The following TMEM33 variants were observed in gnomAD, a reference collection of about 807,000 sequenced individuals.
TMEM33 encodes transmembrane protein 33.
A neutral mutation model predicts 29.7 loss-of-function variants in TMEM33; 16 were observed. The observed-to-expected ratio is 0.54, with a 90% CI of 0.36 to 0.82. The LOEUF (loss-of-function observed/expected upper bound fraction) is 0.82. Ranked by LOEUF, TMEM33 falls within the 40% of genes least tolerant of loss-of-function variation. The probability of loss-of-function intolerance (pLI) is 0.00; values close to 1 mark genes in which losing one functional copy is unlikely to be tolerated. For missense variants in TMEM33, 252 were observed against 295.3 expected (o/e 0.85, Z 1.08); for synonymous variants, 112 against 109.4 (o/e 1.02, Z -0.15).
rs1373018724 is a variant in TMEM33, at chr4:41,958,917, C to T, written c.*4718C>T. 6.6e-6 allele frequency: 1 copy of T among 151,432 alleles called. No individual in the cohort carries two copies. Among genetic ancestry groups the T allele is most frequent in the Non-Finnish European group, 1.5e-5 (1 of 68,092 alleles). 9.4% of individuals were successfully genotyped at this position (151,432 alleles called of 1,614,324 possible). On this transcript the variant is annotated 3_prime_UTR_variant, in exon 7 of 7. Transcript: ENST00000504986. Reference sequence around the variant, plus strand: ...AGAGACAGGATTTCACCATGTTCACCATGTTGGTCAGGCTGGTCTTGAACT... The same window carrying T: ...AGAGACAGGATTTCACCATGTTCACTATGTTGGTCAGGCTGGTCTTGAACT...
intron 5 of TMEM33, among the ~76,000 whole-genome samples, chr4:41,945,423 A>G (rs1025378772): frequency 6.6e-6 from 1 of 152,196 alleles, no homozygotes; most frequent in African/African-American, 2.4e-5. Flanking sequence ...TTAAAACAAT[A>G]CACCTTGCTA....
At chr4:41,935,928 A>G (rs1317775528) in intron 1 of TMEM33, among the ~76,000 whole-genome samples, 1 of 152,240 alleles carries the variant, frequency 6.6e-6, no homozygotes, top group Non-Finnish European at 1.5e-5. Context: ...GTTTCTGCCT[A>G]GTTTATACAA....
rs1219955805 is a variant in TMEM33 at position 41,957,289 on chromosome 4, T to A, written c.*3090T>A. On this transcript the variant is annotated 3_prime_UTR_variant, in exon 7 of 7. Transcript: ENST00000504986. ...TAGGTTTTTTTTTTTTTTTTTGGAATGAAGTTCAGAGGTAGATCCTCCTGG... is the reference window on the plus strand; with the variant it reads ...TAGGTTTTTTTTTTTTTTTTTGGAAAGAAGTTCAGAGGTAGATCCTCCTGG... 3 of 128,906 alleles carry A rather than the reference T, an allele frequency of 2.3e-5. No individual in the cohort carries two copies. Among genetic ancestry groups the A allele is most frequent in the African/African-American group, 9.1e-5 (3 of 33,048 alleles). 8.0% of individuals were successfully genotyped at this position (128,906 alleles called of 1,614,324 possible).
At chr4:41,938,115 C>A (rs16853775) in intron 1 of TMEM33, among the ~76,000 whole-genome samples, 30,177 of 152,104 alleles carry the variant, frequency 0.2, 4,636 homozygotes, top group African/African-American at 0.43. Flanking sequence ...TCTTTAATCC[C>A]AACTGGCTTT....
Position 41,943,717 on chromosome 4 carries a change from T to C in TMEM33, c.329-30T>C, listed in dbSNP as rs185525877. ...TGTTTTGCAGAATACTTGATGACTT[T>C]TAAATGTTTTCCTTAATTGTTTTCT... On this transcript the variant is annotated intron_variant, in intron 3 of 6. Transcript: ENST00000504986. The C allele has an allele frequency of 4.8e-5, 77 of 1,603,358 alleles. No individual in the cohort carries two copies. In the African/African-American group the frequency reaches 8.3e-4, roughly 17 times the overall value.
At chr4:41,952,213 C>T (rs1713072259) in intron 6 of TMEM33, among the ~76,000 whole-genome samples, 1 of 152,052 alleles carries the variant, frequency 6.6e-6, no homozygotes, top group Admixed American at 6.6e-5. Flanking sequence ...GGTGCTCTCA[C>T]GAAGACAGGA....
rs1253853404 is a variant in TMEM33, at chr4:41,955,462, A to G, written c.*1263A>G. ...GTTTAAAACATTGTACAGTTTTAGT[A>G]TAGAGAAATGTAATGGTTTTTGTGA... is the stretch of plus-strand genomic sequence containing the variant. On this transcript the variant is annotated 3_prime_UTR_variant, in exon 7 of 7. Coordinates refer to ENST00000504986, the MANE Select transcript of TMEM33 (RefSeq NM_018126.3). The G allele has an allele frequency of 1.3e-5, 2 of 152,614 alleles. No individual in the cohort carries two copies. Among genetic ancestry groups the G allele is most frequent in the Non-Finnish European group, 2.9e-5 (2 of 68,038 alleles). The allele number at this position is 152,614 out of a possible 1,614,324, so 9.5% of individuals were successfully genotyped here.
intron 1 of TMEM33, 72 bp downstream of exon 1, chr4:41,935,601 C>G: frequency 2.0e-6 from 3 of 1,486,388 alleles, no homozygotes; most frequent in Non-Finnish European, 2.8e-6. Flanking sequence ...TTGCGAGTCC[C>G]GAGGCGTTCC....
intron 5 of TMEM33, among the ~76,000 whole-genome samples, chr4:41,945,983 A>G (rs1272257027): frequency 6.6e-6 from 1 of 150,740 alleles, no homozygotes; most frequent in Non-Finnish European, 1.5e-5. Flanking sequence ...CAAAAAAAAA[A>G]AAAAAAAAGA....
chr4:41,936,086 C>G (rs1404317049), intron 1 of TMEM33, among the ~76,000 whole-genome samples: 1 of 152,224 alleles, frequency 6.6e-6, no homozygotes, highest in African/African-American at 2.4e-5. Context: ...CGGAGCATTG[C>G]TGTCCTCTAC....
At chr4:41,952,665 A>C (rs1713092810) in intron 6 of TMEM33, among the ~76,000 whole-genome samples, 1 of 152,212 alleles carries the variant, frequency 6.6e-6, no homozygotes, top group South Asian at 2.1e-4. Context: ...GATGGGGCAG[A>C]AAATTAGATT....
intron 6 of TMEM33, among the ~76,000 whole-genome samples, chr4:41,950,762 G>A (rs548762060): frequency 6.6e-5 from 10 of 151,750 alleles, no homozygotes; most frequent in Non-Finnish European, 1.5e-4. Flanking sequence ...ATATTCTCTT[G>A]CCCTGACATC....
At chr4:41,950,314 G>A (rs2153127728) in intron 6 of TMEM33, among the ~76,000 whole-genome samples, 1 of 152,222 alleles carries the variant, frequency 6.6e-6, no homozygotes, top group Non-Finnish European at 1.5e-5. Flanking sequence ...TTAAAATAAT[G>A]TAGAATTCAG....
intron 1 of TMEM33, among the ~76,000 whole-genome samples, chr4:41,937,700 A>G (rs1210173277): frequency 6.6e-6 from 1 of 152,176 alleles, no homozygotes; most frequent in South Asian, 2.1e-4. Flanking sequence ...ATGGATCTCA[A>G]TGTTAAAATT....
At position 41,957,886 on chromosome 4, in the gene TMEM33, A is replaced by T. The variant is rs910646602; in HGVS notation, c.*3687A>T. On this transcript the variant is annotated 3_prime_UTR_variant, in exon 7 of 7. Transcript: ENST00000504986. ...TCAGGTAGCCCCCCATTTTCACATGATGTGTTTGAAGGTTAAATGCCACCA... is the reference window on the plus strand; with the variant it reads ...TCAGGTAGCCCCCCATTTTCACATGTTGTGTTTGAAGGTTAAATGCCACCA... The T allele has an allele frequency of 2.6e-5, 4 of 152,170 alleles. No homozygotes were observed. The highest frequency in any genetic ancestry group is 9.7e-5 in the African/African-American group (4 of 41,432). The allele number at this position is 152,170 out of a possible 1,614,324, so 9.4% of individuals were successfully genotyped here. A position where few individuals can be genotyped will look rare whatever the true frequency, so the allele number is the denominator to read the frequency against.
chr4:41,947,920 A>C (rs1177597033), intron 5 of TMEM33, among the ~76,000 whole-genome samples: 1 of 152,178 alleles, frequency 6.6e-6, no homozygotes, highest in Non-Finnish European at 1.5e-5. Flanking sequence ...CTTTTCTTCT[A>C]ATTGACTGGA....
chr4:41,943,714 C>G (rs755364547), intron 3 of TMEM33, 33 bp from the exon 4 acceptor site: 2 of 1,597,068 alleles, frequency 1.3e-6, no homozygotes, highest in Non-Finnish European at 8.6e-7. Flanking sequence ...TACTTGATGA[C>G]TTTTAAATGT....
intron 3 of TMEM33, among the ~76,000 whole-genome samples, chr4:41,942,430 G>A (rs1271076543): frequency 6.6e-6 from 1 of 152,062 alleles, no homozygotes; most frequent in African/African-American, 2.4e-5. Context: ...CTTGTCAATT[G>A]GAAACTGGGA....
At chr4:41,941,833 T>A (rs541613243) in intron 3 of TMEM33, among the ~76,000 whole-genome samples, 36 of 152,366 alleles carry the variant, frequency 2.4e-4, no homozygotes, top group African/African-American at 8.7e-4. Flanking sequence ...TGTCCTTGCT[T>A]GATTAATAAC....
Sources: gnomAD v4.1 joint callset for allele counts (sites outside exome capture counted in the v4.1 genomes callset) on GRCh38, gnomAD v4.1.1 for gene constraint, MANE v1.5 for transcripts, NCBI Gene and HGNC (gene_info 2026-07-23, HGNC 2026-07-21) for gene names.